Variants in TBC1D1 observed in about 807,000 individuals in gnomAD.
TBC1D1 encodes the protein TBC1 domain family member 1.
A neutral mutation model predicts 125.6 loss-of-function variants in TBC1D1; 89 were observed. That is an observed-to-expected ratio of 0.71 (90% confidence interval 0.60 to 0.85). TBC1D1 has a LOEUF of 0.85. Among genes scored for constraint, TBC1D1 ranks in the 40% least tolerant of loss-of-function variants. TBC1D1 has a pLI of 0.00. For synonymous variants in TBC1D1, 565 were observed against 564.1 expected (o/e 1.00, Z -0.02); for missense variants, 1,377 against 1,469.2 (o/e 0.94, Z 1.03).
At chr4:37,975,903 C>A (rs1004661269) in intron 2 of TBC1D1, among the ~76,000 whole-genome samples, 3 of 152,082 alleles carry the variant, frequency 2.0e-5, no homozygotes, top group African/African-American at 7.2e-5. Flanking sequence ...TGGAACAGCT[C>A]GTGCCCTGGG....
chr4:38,009,872 C>G (rs529315973), intron 2 of TBC1D1, among the ~76,000 whole-genome samples: 1 of 152,174 alleles, frequency 6.6e-6, no homozygotes, highest in Non-Finnish European at 1.5e-5. Flanking sequence ...AAGCCCCACA[C>G]CCTTATTGAA....
intron 2 of TBC1D1, among the ~76,000 whole-genome samples, chr4:37,963,782 G>GAA (rs1730521813): frequency 1.3e-5 from 2 of 152,142 alleles, no homozygotes; most frequent in Non-Finnish European, 2.9e-5. Context: ...TAATTTTTAA[G>GAA]ATCCTAAGAA....
intron 2 of TBC1D1, among the ~76,000 whole-genome samples, chr4:37,947,908 A>T (rs1022237098): frequency 6.6e-6 from 1 of 152,192 alleles, no homozygotes; most frequent in African/African-American, 2.4e-5. Flanking sequence ...GTTAAAACAA[A>T]GGTAGTACCC....
intron 2 of TBC1D1, among the ~76,000 whole-genome samples, chr4:37,991,749 A>G (rs1736615935): frequency 6.6e-6 from 1 of 152,058 alleles, no homozygotes; most frequent in Non-Finnish European, 1.5e-5. Context: ...TGCCTAAAAA[A>G]CCAGTCCTTA....
rs775294678 is a variant in TBC1D1, at chr4:38,054,290, C to T, written c.2002C>T (p.Arg668Ter). The T allele has an allele frequency of 1.2e-6, 2 of 1,614,178 alleles. No individual in the cohort carries two copies. The highest frequency in any genetic ancestry group is 1.1e-5 in the South Asian group (1 of 91,082). ...TTCCTGGAGGCAGCAGATATTCCTC[C>T]GAGTAGCCACCCCGCAGAAGGCGTG... Residue 668 changes from arginine (R) to a stop codon, truncating the protein, a stop_gained, in exon 12 of 20, where the codon CGA becomes TGA. Coordinates refer to ENST00000261439, the MANE Select transcript of TBC1D1 (RefSeq NM_015173.4). LOFTEE classifies it high-confidence loss of function.
chr4:38,021,999 G>T (rs1307329668), intron 6 of TBC1D1, among the ~76,000 whole-genome samples: 1 of 152,162 alleles, frequency 6.6e-6, no homozygotes, highest in Non-Finnish European at 1.5e-5. Flanking sequence ...TTACCAAACC[G>T]GTTGCCTAGT....
intron 12 of TBC1D1, among the ~76,000 whole-genome samples, chr4:38,064,484 G>T (rs902090556): frequency 7.9e-5 from 12 of 152,158 alleles, no homozygotes; most frequent in Non-Finnish European, 1.5e-5. Context: ...AACGGAGGCT[G>T]CCCTGGTTTC....
At chr4:38,018,936 C>G (rs35080855) in intron 4 of TBC1D1, among the ~76,000 whole-genome samples, 2 of 151,022 alleles carry the variant, frequency 1.3e-5, no homozygotes, top group Non-Finnish European at 3.0e-5. Context: ...TTTATTAGAT[C>G]TATTTCTACT....
intron 2 of TBC1D1, among the ~76,000 whole-genome samples, chr4:37,994,164 T>C (rs532081834): frequency 6.6e-6 from 1 of 152,326 alleles, no homozygotes; most frequent in South Asian, 2.1e-4. Context: ...CCTAAAGCCC[T>C]AGACTGTGGT....
chr4:38,060,589 C>A (rs537370580), intron 12 of TBC1D1: 2 of 1,284,392 alleles, frequency 1.6e-6, no homozygotes, highest in Non-Finnish European at 1.0e-6. Flanking sequence ...AGGATGCTTA[C>A]GTCTGTGTGA....
rs149746733 is a variant in TBC1D1 at position 38,124,998 on chromosome 4, A to C, written c.2999A>C (p.Lys1000Thr). 2.8e-4 allele frequency: 446 copies of C among 1,613,978 alleles called. No homozygotes were observed. Among genetic ancestry groups the C allele is most frequent in the Non-Finnish European group, 3.6e-4 (430 of 1,180,008 alleles). The change falls in exon 18 of 20, where the codon AAA (lysine) becomes ACA (threonine). Residue 1000 changes from lysine (K) to threonine (T), a missense_variant. This residue lies in a region of TBC1D1 where 543 missense variants were observed against 613.5 expected (regional missense o/e 0.89). Transcript: ENST00000261439. Reference sequence around the variant, plus strand: ...CTTCAGGGAACAGAGGTCATATTTAAAGTGGCTTTAAGTCTGTTGGGAAGC... The same window carrying C: ...CTTCAGGGAACAGAGGTCATATTTACAGTGGCTTTAAGTCTGTTGGGAAGC...
At chr4:38,086,902 A>G (rs1166445439) in intron 12 of TBC1D1, among the ~76,000 whole-genome samples, 1 of 152,172 alleles carries the variant, frequency 6.6e-6, no homozygotes. Context: ...AAGTTAGAGA[A>G]GCACGGGGTA....
chr4:37,951,713 A>G (rs1019006466), intron 2 of TBC1D1, among the ~76,000 whole-genome samples: 8 of 152,252 alleles, frequency 5.3e-5, no homozygotes, highest in African/African-American at 1.9e-4. Context: ...AAGGCCATTC[A>G]AAACAACATT....
chr4:38,090,047 G>T lies in TBC1D1; in HGVS notation c.2166G>T (p.Glu722Asp), dbSNP rs1276144405. Residue 722 changes from glutamate to aspartate, a missense_variant, in exon 13 of 20, where the codon GAG becomes GAT. Physicochemically the swap from Glu to Asp is conservative, Grantham distance 45. Around this residue, in one of 3 missense-constraint regions of TBC1D1, gnomAD observed 543 missense variants for 613.5 expected, o/e 0.89. Coordinates refer to ENST00000261439, the MANE Select transcript of TBC1D1 (RefSeq NM_015173.4). ...AAAGGACATCTCGTGAGCTCCGAGA[G>T]CTGTGGCAAAAGGCTATTCTTCAAC... 6.2e-7 allele frequency: 1 copy of T among 1,614,110 alleles called. No homozygotes were observed. The highest frequency in any genetic ancestry group is 2.2e-5 in the East Asian group (1 of 44,884).
At chr4:38,094,723 T>G (rs1404604064) in intron 13 of TBC1D1, among the ~76,000 whole-genome samples, 1 of 151,842 alleles carries the variant, frequency 6.6e-6, no homozygotes, top group Non-Finnish European at 1.5e-5. Flanking sequence ...CCAGACGTGC[T>G]TGTAGCAGCC....
At chr4:37,921,584 T>C (rs1292187241) in intron 2 of TBC1D1, among the ~76,000 whole-genome samples, 2 of 151,464 alleles carry the variant, frequency 1.3e-5, no homozygotes, top group South Asian at 2.1e-4. Context: ...TTTTTGTATT[T>C]TTTTTTTTAG....
intron 2 of TBC1D1, among the ~76,000 whole-genome samples, chr4:37,989,777 C>T (rs554018721): frequency 6.6e-6 from 1 of 152,264 alleles, no homozygotes; most frequent in Non-Finnish European, 1.5e-5. Flanking sequence ...TGACCTTGCC[C>T]AAGGTCACAA....
intron 17 of TBC1D1, among the ~76,000 whole-genome samples, chr4:38,122,461 C>T (rs890011304): frequency 6.6e-6 from 1 of 152,192 alleles, no homozygotes; most frequent in Non-Finnish European, 1.5e-5. Flanking sequence ...CTCCTGCACA[C>T]CTCCCTGTAT....
intron 2 of TBC1D1, among the ~76,000 whole-genome samples, chr4:37,997,054 C>T (rs1178202576): frequency 6.6e-6 from 1 of 152,192 alleles, no homozygotes; most frequent in Non-Finnish European, 1.5e-5. Flanking sequence ...AAGGTGATTC[C>T]GTACTGTGTC....
Sources: allele counts gnomAD v4.1 joint callset (sites outside exome capture counted in the v4.1 genomes callset), GRCh38; gene constraint gnomAD v4.1.1; regional missense constraint gnomAD v4.1.1; transcripts MANE v1.5; gene names NCBI Gene and HGNC (gene_info 2026-07-23, HGNC 2026-07-21).